The following GLIS3 variants were observed in gnomAD, a reference collection of about 807,000 sequenced individuals.
GLIS3 encodes zinc finger protein GLIS3.
In GLIS3, 53 loss-of-function variants were observed where a neutral mutation model predicts 78.6. The ratio of observed to expected loss-of-function variants is 0.67; its 90% CI spans 0.54 to 0.85. The LOEUF (loss-of-function observed/expected upper bound fraction) is 0.85, where lower values mean the gene tolerates loss of function less well. GLIS3 is among the 40% of genes least tolerant of loss of function. The pLI is 0.00. For missense variants in GLIS3, 1,703 were observed against 1,231.1 expected (o/e 1.38, Z -5.74); for synonymous variants, 684 against 509.9 (o/e 1.34, Z -4.60).
intron 2 of GLIS3, among the ~76,000 whole-genome samples, chr9:4,333,845 A>G (rs1817717763): frequency 6.6e-6 from 1 of 151,484 alleles, no homozygotes; most frequent in Non-Finnish European, 1.5e-5. Flanking sequence ...TAAAGCTCCA[A>G]ACAACACTTT....
intron 4 of GLIS3, among the ~76,000 whole-genome samples, chr9:4,013,407 A>G (rs1822192329): frequency 6.6e-6 from 1 of 152,196 alleles, no homozygotes; most frequent in South Asian, 2.1e-4. Flanking sequence ...TTATGTTAAG[A>G]TTCAAGGTAT....
chr9:4,435,671 CA>C, the GLIS3 span, among the ~76,000 whole-genome samples: 2 of 152,300 alleles, frequency 1.3e-5, no homozygotes, highest in African/African-American at 2.4e-5. Context: ...TCCCCTAGGC[CA>C]GGCGCGGTGG....
chr9:4,303,339 G>A (rs1215889423), upstream of GLIS3, among the ~76,000 whole-genome samples: 34 of 152,002 alleles, frequency 2.2e-4, no homozygotes, highest in Admixed American at 2.2e-3. Flanking sequence ...AAAAGTTAGT[G>A]TTTGCCAACT....
At chr9:3,986,952 T>G (rs635884) in intron 4 of GLIS3, among the ~76,000 whole-genome samples, 32,474 of 151,952 alleles carry the variant, frequency 0.21, 3,597 homozygotes, top group East Asian at 0.28. Flanking sequence ...AAATCACAAC[T>G]TGAGTAAAAA....
chr9:4,164,900 A>G (rs1367837160), intron 2 of GLIS3, among the ~76,000 whole-genome samples: 1 of 152,252 alleles, frequency 6.6e-6, no homozygotes, highest in Non-Finnish European at 1.5e-5. Context: ...AACCAAAGAT[A>G]GCAGAGCAGC....
At chr9:3,888,299 C>T (rs544587500) in intron 7 of GLIS3, among the ~76,000 whole-genome samples, 20 of 152,198 alleles carry the variant, frequency 1.3e-4, no homozygotes, top group Non-Finnish European at 2.4e-4. Context: ...TCAACTATCT[C>T]CTACCTGTAC....
chr9:4,095,900 G>A (rs935472943), intron 4 of GLIS3, among the ~76,000 whole-genome samples: 9 of 150,948 alleles, frequency 6.0e-5, no homozygotes, highest in African/African-American at 2.2e-4. Flanking sequence ...TGCTGTCCTG[G>A]TTTCAAAGCC....
At position 3,925,836 on chromosome 9, in the gene GLIS3, G is replaced by C. The variant is rs113031615; in HGVS notation, c.1983+6524C>G. ...TATTTAGAAGTTTGATGATGTTTTT[G>C]TGACCAGAAATATGCCCTCGGAACT... On this transcript the variant is annotated intron_variant, in intron 6 of 10. Transcript: ENST00000381971. Among the ~76,000 whole-genome samples the C allele has an allele frequency of 8.3e-3, 1,259 of 152,278 alleles. 15 individuals are homozygous for C. The highest frequency in any genetic ancestry group is 0.028 in the African/African-American group (1,182 of 41,548).
intron 4 of GLIS3, among the ~76,000 whole-genome samples, chr9:4,014,792 A>G (rs1002199448): frequency 2.6e-5 from 4 of 152,186 alleles, no homozygotes; most frequent in South Asian, 2.1e-4. Flanking sequence ...GTGCAGATGT[A>G]CACACTCACA....
the GLIS3 span, among the ~76,000 whole-genome samples, chr9:4,462,696 G>A: frequency 2.0e-5 from 3 of 151,808 alleles, no homozygotes; most frequent in South Asian, 2.1e-4. Context: ...TGTAGTCCCA[G>A]CTACACAGGA....
rs1316284846 is a variant in GLIS3 at position 4,296,235 on chromosome 9, A to C, written c.-99+3186T>G. On this transcript the variant is annotated intron_variant, in intron 1 of 10. Coordinates refer to ENST00000381971, the MANE Select transcript of GLIS3 (RefSeq NM_001042413.2). ...ATAATTATAATATGAGAGAGACAAC[A>C]GTGGAAAGAATGAATGTCCTCAGGC... Among the ~76,000 whole-genome samples, 4 of 151,596 alleles carry C rather than the reference A, an allele frequency of 2.6e-5. No homozygotes were observed. In the East Asian group the frequency reaches 5.9e-4, roughly 22 times the overall value.
chr9:4,185,227 T>A (rs1246768281), intron 2 of GLIS3, among the ~76,000 whole-genome samples: 1 of 152,230 alleles, frequency 6.6e-6, no homozygotes, highest in East Asian at 1.9e-4. Context: ...TTGTGCCTGG[T>A]TTCTTTCACT....
chr9:4,453,067 A>T, the GLIS3 span, among the ~76,000 whole-genome samples: 1 of 152,166 alleles, frequency 6.6e-6, no homozygotes, highest in African/African-American at 2.4e-5. Context: ...TAGGAAAAGG[A>T]TTCCCTTCTT....
At chr9:4,236,005 A>C (rs1321494079) in intron 2 of GLIS3, among the ~76,000 whole-genome samples, 2 of 152,100 alleles carry the variant, frequency 1.3e-5, no homozygotes, top group Non-Finnish European at 2.9e-5. Flanking sequence ...CTTACTGATT[A>C]ACGCTTTTGC....
At chr9:4,106,030 A>G (rs1157131909) in intron 4 of GLIS3, among the ~76,000 whole-genome samples, 1 of 152,152 alleles carries the variant, frequency 6.6e-6, no homozygotes, top group African/African-American at 2.4e-5. Flanking sequence ...TCAATTTACG[A>G]TGCAGTTTGG....
chr9:4,070,608 G>C (rs1259854770), intron 4 of GLIS3, among the ~76,000 whole-genome samples: 1 of 152,136 alleles, frequency 6.6e-6, no homozygotes, highest in East Asian at 1.9e-4. Flanking sequence ...TAGTGAGTAT[G>C]TATGTGTGTG....
chr9:4,343,240 GC>G (rs1208640190), intron 2 of GLIS3, among the ~76,000 whole-genome samples: 1 of 152,136 alleles, frequency 6.6e-6, no homozygotes, highest in East Asian at 1.9e-4. Context: ...TACTTGAAAG[GC>G]TGAGGTGGGA....
chr9:4,381,325 GT>G, the GLIS3 span, among the ~76,000 whole-genome samples: 3 of 152,154 alleles, frequency 2.0e-5, no homozygotes, highest in African/African-American at 7.2e-5. Flanking sequence ...ATTGCTTGCA[GT>G]ATTTTCATGA....
intron 2 of GLIS3, among the ~76,000 whole-genome samples, chr9:4,254,174 T>G (rs912829660): frequency 6.6e-6 from 1 of 152,230 alleles, no homozygotes; most frequent in Non-Finnish European, 1.5e-5. Flanking sequence ...CATAACAGGC[T>G]AGGCATAAAG....
Sources: gnomAD v4.1 joint callset for allele counts (sites outside exome capture counted in the v4.1 genomes callset) on GRCh38, gnomAD v4.1.1 for gene constraint, MANE v1.5 for transcripts, NCBI Gene and HGNC (gene_info 2026-07-23, HGNC 2026-07-21) for gene names.